IKZF3: variants seen among roughly 807,000 people sequenced by gnomAD.
IKZF3 encodes IKAROS family zinc finger 3.
IKZF3 carries 10 observed loss-of-function variants against 49.0 expected under a neutral mutation model. The ratio of observed to expected loss-of-function variants is 0.20; its 90% confidence interval spans 0.13 to 0.35. IKZF3 has a LOEUF of 0.35. Among genes scored for constraint, IKZF3 ranks in the 10% least tolerant of loss-of-function variants. The probability of loss-of-function intolerance (pLI) is 1.00; values close to 1 mark genes in which losing one functional copy is unlikely to be tolerated. For missense variants in IKZF3, 498 were observed against 664.8 expected (o/e 0.75, Z 2.76); for synonymous variants, 209 against 228.2 (o/e 0.92, Z 0.76).
chr17:39,786,610 G>C (rs1007847619), intron 6 of IKZF3, among the ~76,000 whole-genome samples: 2 of 152,018 alleles, frequency 1.3e-5, no homozygotes, highest in African/African-American at 2.4e-5. Flanking sequence ...CCAAATATTA[G>C]GTTTTTCTTT....
rs929619166 is a variant in IKZF3, at chr17:39,762,459, C to A, written c.*3331G>T. On this transcript the variant is annotated 3_prime_UTR_variant, in exon 8 of 8. Transcript: ENST00000346872. ...AGTGCCTTTGTGAGTGGTCACCTTA[C>A]TCAGAAAACTAACCTCAGAAGAATA... 6.6e-6 allele frequency: 1 copy of A among 152,148 alleles called. No homozygotes were observed. The highest frequency in any genetic ancestry group is 1.9e-4 in the East Asian group (1 of 5,198). The allele number at this position is 152,148 out of a possible 1,614,324, so 9.4% of individuals were successfully genotyped here.
chr17:39,832,056 T>C (rs1418621762), intron 2 of IKZF3, 42 bp downstream of exon 2: 4 of 1,434,880 alleles, frequency 2.8e-6, no homozygotes, highest in Non-Finnish European at 3.9e-6. Context: ...GGTATTTTTT[T>C]TAGTAAAGGT....
Position 39,766,213 on chromosome 17 carries a change from C to T in IKZF3, c.1107G>A (p.Lys369=), listed in dbSNP as rs750055879. ...LEKKSIHLPE[K]SVPSERGLSP... ...AGAGGCCTCTCTCAGAAGGCACGCT[C>T]TTCTCTGGAAGGTGGATGCTTTTCT... The change falls in exon 8 of 8, where the codon AAG becomes AAA. Residue 369 remains lysine, a synonymous_variant. Transcript: ENST00000346872. 5.0e-6 allele frequency: 8 copies of T among 1,614,154 alleles called. No homozygotes were observed. In the Admixed American group the frequency reaches 1.2e-4, roughly 24 times the overall value.
chr17:39,829,010 T>A lies in IKZF3; in HGVS notation c.163+377A>T, dbSNP rs556989352. On this transcript the variant is annotated intron_variant, in intron 3 of 7. Coordinates refer to ENST00000346872, the MANE Select transcript of IKZF3 (RefSeq NM_012481.5). ...AGTGAAACTCCGTCTCAAAAAAAAA[T>A]AATAATAATAATTGAATTGAATTGT... Among the ~76,000 whole-genome samples, 30 of 151,718 alleles carry A rather than the reference T, an allele frequency of 2.0e-4. 1 individual carries two copies. In the East Asian group the frequency reaches 2.1e-3, roughly 11 times the overall value.
chr17:39,842,060 C>CAAAAAAAAA (rs1491414621), intron 1 of IKZF3, among the ~76,000 whole-genome samples: 4 of 20,320 alleles, frequency 2.0e-4, no homozygotes, highest in African/African-American at 4.1e-4. Context: ...AAAAAAAAAA[C>CAAAAAAAAA]CAGATAAAAT....
chr17:39,777,706 G>A lies in IKZF3; in HGVS notation c.771C>T (p.Asp257=), dbSNP rs1288250908. The A allele has an allele frequency of 3.1e-6, 5 of 1,613,902 alleles. No individual in the cohort carries two copies. Among genetic ancestry groups the A allele is most frequent in the South Asian group, 2.2e-5 (2 of 91,040 alleles). Residue 257 remains aspartate, a synonymous_variant, in exon 7 of 8, where the codon GAC becomes GAT. Transcript: ENST00000346872. Reference sequence around the variant, plus strand: ...GTTTTGCCACATTGCTTGCTAATCTGTCCAGTACGAGAGCTCTTTCACTTC... The same window carrying A: ...GTTTTGCCACATTGCTTGCTAATCTATCCAGTACGAGAGCTCTTTCACTTC... ...EMGSERALVL[D]RLASNVAKRK...
At chr17:39,854,714 A>C (rs1055831716) in intron 1 of IKZF3, among the ~76,000 whole-genome samples, 1 of 152,150 alleles carries the variant, frequency 6.6e-6, no homozygotes, top group Admixed American at 6.6e-5. Flanking sequence ...AGTCAGGAGA[A>C]GTTGGTTTGG....
At chr17:39,835,185 C>T in intron 1 of IKZF3, 1 of 507,036 alleles carries the variant, frequency 2.0e-6, no homozygotes. Context: ...CATATGGATA[C>T]TCATGCTCTG....
chr17:39,772,486 C>A (rs2060470152), intron 7 of IKZF3, among the ~76,000 whole-genome samples: 1 of 152,142 alleles, frequency 6.6e-6, no homozygotes, highest in South Asian at 2.1e-4. Context: ...ACAAAAAAGG[C>A]AGGAAAATAG....
chr17:39,807,565 T>G (rs2061459646), intron 3 of IKZF3, among the ~76,000 whole-genome samples: 1 of 144,180 alleles, frequency 6.9e-6, no homozygotes, highest in Admixed American at 6.9e-5. Flanking sequence ...TTTTTTTTTT[T>G]TTTTGTAGAG....
At chr17:39,791,887 CTTTT>C (rs1211244204) in intron 4 of IKZF3, among the ~76,000 whole-genome samples, 2 of 126,834 alleles carry the variant, frequency 1.6e-5, no homozygotes. Context: ...TTGGTACTCC[CTTTT>C]TTTTTTTTTT....
At chr17:39,803,537 G>C (rs1306336003) in intron 3 of IKZF3, among the ~76,000 whole-genome samples, 1 of 145,982 alleles carries the variant, frequency 6.9e-6, no homozygotes, top group African/African-American at 2.5e-5. Context: ...TTTTGAGACA[G>C]AGTTTCGCTC....
intron 6 of IKZF3, chr17:39,778,316 T>C (rs2060642333): frequency 2.6e-5 from 9 of 350,560 alleles, no homozygotes; most frequent in Non-Finnish European, 2.8e-5. Flanking sequence ...TTTCTTTTTT[T>C]TTTTCAGCAC....
At chr17:39,768,179 C>T (rs928241397) in intron 7 of IKZF3, among the ~76,000 whole-genome samples, 6 of 152,106 alleles carry the variant, frequency 3.9e-5, no homozygotes, top group African/African-American at 1.2e-4. Context: ...AGGTAACATA[C>T]AGGCATCGGT....
chr17:39,765,792 A>T lies in IKZF3; in HGVS notation c.1528T>A (p.Ter510ArgextTer19). 6.3e-7 allele frequency: 1 copy of T among 1,589,628 alleles called. No individual in the cohort carries two copies. Among genetic ancestry groups the T allele is most frequent in the Non-Finnish European group, 8.6e-7 (1 of 1,162,310 alleles). ...ARGEHRALLK[*>R] ...GAGCAATCCCTGAGACCAGATATTC[A>T]CTTCAGCAGGGCTCTGTGTTCTCCT... The change falls in exon 8 of 8, where the codon TGA becomes AGA. Residue 510 changes from the stop codon to arginine, a stop_lost. Transcript: ENST00000346872.
Position 39,822,087 on chromosome 17 carries a change from A to T in IKZF3, c.163+7300T>A, listed in dbSNP as rs564071679. 4.6e-5 allele frequency among the ~76,000 whole-genome samples: 7 copies of T among 152,298 alleles called. No homozygotes were observed. In the South Asian group the frequency reaches 1.5e-3, roughly 32 times the overall value. On this transcript the variant is annotated intron_variant, in intron 3 of 7. Coordinates refer to ENST00000346872, the MANE Select transcript of IKZF3 (RefSeq NM_012481.5). ...TGGTGGACCAGATAAGAGCCATTATAAGGTCTATTTACCCTGAGAAAGGGA... is the reference window on the plus strand; with the variant it reads ...TGGTGGACCAGATAAGAGCCATTATTAGGTCTATTTACCCTGAGAAAGGGA...
At chr17:39,853,832 C>T (rs1033966685) in intron 1 of IKZF3, among the ~76,000 whole-genome samples, 1 of 137,734 alleles carries the variant, frequency 7.3e-6, no homozygotes, top group Non-Finnish European at 1.5e-5. Context: ...GAAACTCCGT[C>T]TAAAAAAAAA....
At chr17:39,811,498 G>C (rs1052389250) in intron 3 of IKZF3, among the ~76,000 whole-genome samples, 3 of 152,168 alleles carry the variant, frequency 2.0e-5, no homozygotes, top group African/African-American at 7.2e-5. Context: ...CTCAATGGCA[G>C]CAGTCTTCTA....
intron 1 of IKZF3, among the ~76,000 whole-genome samples, chr17:39,850,981 T>A (rs1209482700): frequency 7.0e-6 from 1 of 143,436 alleles, no homozygotes; most frequent in Non-Finnish European, 1.5e-5. Flanking sequence ...GTATATATTA[T>A]ATATGTGTAT....
Sources: gnomAD v4.1 joint callset for allele counts (sites outside exome capture counted in the v4.1 genomes callset) on GRCh38, gnomAD v4.1.1 for gene constraint, MANE v1.5 for transcripts, NCBI Gene and HGNC (gene_info 2026-07-23, HGNC 2026-07-21) for gene names.